Variants in CDH13 observed in about 807,000 individuals in gnomAD.
CDH13 encodes the protein cadherin 13.
Under a neutral mutation model 63.8 loss-of-function variants are expected in CDH13, and 24 were observed. The ratio of observed to expected loss-of-function variants is 0.38; its 90% CI spans 0.27 to 0.53. The LOEUF (loss-of-function observed/expected upper bound fraction) is 0.53. Ranked by LOEUF, CDH13 falls within the 20% of genes least tolerant of loss-of-function variation. CDH13 has a pLI of 0.85. For synonymous variants in CDH13, 503 were observed against 355.3 expected (o/e 1.42, Z -4.67); for missense variants, 1,049 against 903.1 (o/e 1.16, Z -2.07).
chr16:83,116,606 C>T (rs1051149214), intron 3 of CDH13, among the ~76,000 whole-genome samples: 8 of 152,314 alleles, frequency 5.3e-5, no homozygotes, highest in Admixed American at 3.3e-4. Context: ...CAAACATATA[C>T]AGCCAGTGGC....
intron 2 of CDH13, among the ~76,000 whole-genome samples, chr16:82,994,968 G>A (rs1032987048): frequency 6.6e-6 from 1 of 152,172 alleles, no homozygotes; most frequent in African/African-American, 2.4e-5. Flanking sequence ...GGTAAAATTG[G>A]GGTAATTATA....
chr16:82,850,537 C>G (rs536125884), intron 1 of CDH13, among the ~76,000 whole-genome samples: 1 of 152,094 alleles, frequency 6.6e-6, no homozygotes, highest in African/African-American at 2.4e-5. Context: ...GATTTAGAAT[C>G]GTACCTAAAC....
At chr16:82,838,222 T>C (rs2038853511) in intron 1 of CDH13, among the ~76,000 whole-genome samples, 1 of 152,242 alleles carries the variant, frequency 6.6e-6, no homozygotes, top group South Asian at 2.1e-4. Context: ...CTAATGGAAG[T>C]ATCATTCTAA....
chr16:83,156,715 T>C (rs553386918), intron 4 of CDH13, among the ~76,000 whole-genome samples: 224 of 152,304 alleles, frequency 1.5e-3, no homozygotes, highest in African/African-American at 5.2e-3. Flanking sequence ...TTTGACAGCA[T>C]TCATTTTTGC....
chr16:83,231,350 C>T (rs1270325369), intron 5 of CDH13, among the ~76,000 whole-genome samples: 7 of 152,130 alleles, frequency 4.6e-5, no homozygotes, highest in Admixed American at 2.0e-4. Flanking sequence ...CAGGGCTCTC[C>T]GAGGGAATAG....
intron 1 of CDH13, among the ~76,000 whole-genome samples, chr16:82,671,720 C>T (rs1002084052): frequency 1.3e-5 from 2 of 152,158 alleles, no homozygotes; most frequent in Non-Finnish European, 2.9e-5. Flanking sequence ...TGTTCTAGAA[C>T]TCAATTTATC....
chr16:82,970,550 C>T (rs979271093), intron 2 of CDH13, among the ~76,000 whole-genome samples: 5 of 136,462 alleles, frequency 3.7e-5, no homozygotes, highest in Admixed American at 7.4e-5. Context: ...CAGGCGCCCG[C>T]CACCGCGCCC....
intron 3 of CDH13, among the ~76,000 whole-genome samples, chr16:83,063,870 C>G (rs907158069): frequency 6.6e-6 from 1 of 152,036 alleles, no homozygotes; most frequent in Admixed American, 6.6e-5. Context: ...ACTTCAAAGG[C>G]AATTGTGTAA....
intron 7 of CDH13, among the ~76,000 whole-genome samples, chr16:83,590,139 C>T (rs1224097872): frequency 6.6e-6 from 1 of 152,162 alleles, no homozygotes; most frequent in Non-Finnish European, 1.5e-5. Context: ...AGACATTATC[C>T]TGTAGCCACT....
chr16:83,680,121 G>A (rs1458461477), intron 10 of CDH13, among the ~76,000 whole-genome samples: 1 of 152,216 alleles, frequency 6.6e-6, no homozygotes, highest in Non-Finnish European at 1.5e-5. Context: ...GCTCGAGATA[G>A]CACAGGAGCT....
At chr16:83,246,065 T>C (rs1358830570) in intron 5 of CDH13, among the ~76,000 whole-genome samples, 3 of 152,218 alleles carry the variant, frequency 2.0e-5, no homozygotes, top group Non-Finnish European at 2.9e-5. Flanking sequence ...TTGACCAGGA[T>C]GTCTTTTGTC....
chr16:83,126,630 A>G (rs1046663610), intron 4 of CDH13, among the ~76,000 whole-genome samples: 4 of 152,192 alleles, frequency 2.6e-5, no homozygotes, highest in Non-Finnish European at 4.4e-5. Flanking sequence ...AGAAGGGACA[A>G]GGAAGTTGAT....
rs556897249 is a variant in CDH13 at position 83,459,921 on chromosome 16, C to T, written c.782-26556C>T. On this transcript the variant is annotated intron_variant, in intron 6 of 13. Coordinates refer to ENST00000567109, the MANE Select transcript of CDH13 (RefSeq NM_001257.5). The stretch of plus-strand genomic sequence containing the variant: ...TTCACATAGATTTCAGTCTGATATG[C>T]AACAGGTTCTTCCATGAGATGTGAG... Among the ~76,000 whole-genome samples, 5 of 152,252 alleles carry T rather than the reference C, an allele frequency of 3.3e-5. No individual in the cohort carries two copies. In the South Asian group the frequency reaches 1.0e-3, roughly 32 times the overall value.
intron 7 of CDH13, among the ~76,000 whole-genome samples, chr16:83,550,340 C>T (rs959529528): frequency 2.0e-5 from 3 of 152,230 alleles, no homozygotes; most frequent in Admixed American, 6.5e-5. Context: ...GTTGTCAACA[C>T]GTCTGGCAAA....
intron 8 of CDH13, among the ~76,000 whole-genome samples, chr16:83,609,429 C>T (rs1187726406): frequency 2.0e-5 from 3 of 152,184 alleles, no homozygotes; most frequent in South Asian, 2.1e-4. Context: ...TCCACATCCT[C>T]GTATGAGGCA....
Position 83,259,371 on chromosome 16 carries a change from G to C in CDH13, c.636+41874G>C, listed in dbSNP as rs143937712. On this transcript the variant is annotated intron_variant, in intron 5 of 13. Transcript: ENST00000567109. ...AGCGAGTCTTCCATAAAGGTTAGATGGTGCTGCTTGGAAAGTCTGTCTCCT... is the reference window on the plus strand; with the variant it reads ...AGCGAGTCTTCCATAAAGGTTAGATCGTGCTGCTTGGAAAGTCTGTCTCCT... 3.3e-3 allele frequency among the ~76,000 whole-genome samples: 496 copies of C among 152,256 alleles called. 3 individuals are homozygous for C. The highest frequency in any genetic ancestry group is 0.011 in the African/African-American group (461 of 41,534).
At position 83,324,094 on chromosome 16, in the gene CDH13, A is replaced by G. The variant is rs190509525; in HGVS notation, c.637-20768A>G. On this transcript the variant is annotated intron_variant, in intron 5 of 13. Transcript: ENST00000567109. Reference sequence around the variant, plus strand: ...ACTCTGTTACCCAAGCCGGAGTGCAATGGCACAATCTTGGGTCACTGCAAC... The same window carrying G: ...ACTCTGTTACCCAAGCCGGAGTGCAGTGGCACAATCTTGGGTCACTGCAAC... 3.8e-3 allele frequency among the ~76,000 whole-genome samples: 572 copies of G among 150,178 alleles called. 3 individuals carry two copies. Among genetic ancestry groups the G allele is most frequent in the Non-Finnish European group, 6.0e-3 (409 of 67,748 alleles).
chr16:82,639,802 C>G (rs986897092), intron 1 of CDH13, among the ~76,000 whole-genome samples: 7 of 152,328 alleles, frequency 4.6e-5, no homozygotes, highest in South Asian at 2.1e-4. Flanking sequence ...TCCGTACTAG[C>G]CACAGAGCAG....
At chr16:83,406,497 T>G (rs2151450007) in intron 6 of CDH13, among the ~76,000 whole-genome samples, 1 of 151,728 alleles carries the variant, frequency 6.6e-6, no homozygotes, top group South Asian at 2.1e-4. Flanking sequence ...GGAGTCTTGC[T>G]TCATCGCCCA....
Sources: gnomAD v4.1 joint callset for allele counts (sites outside exome capture counted in the v4.1 genomes callset) on GRCh38, gnomAD v4.1.1 for gene constraint, MANE v1.5 for transcripts, NCBI Gene and HGNC (gene_info 2026-07-23, HGNC 2026-07-21) for gene names.